SLC17A2: variants seen among roughly 807,000 people sequenced by gnomAD.
SLC17A2 encodes solute carrier family 17 member 2.
SLC17A2 carries 38 observed loss-of-function variants against 52.1 expected under a neutral mutation model. The observed-to-expected ratio is 0.73, with a 90% confidence interval of 0.56 to 0.96. The LOEUF (loss-of-function observed/expected upper bound fraction) is 0.96, where lower values mean the gene tolerates loss of function less well. Among genes scored for constraint, SLC17A2 ranks in the 40% least tolerant of loss-of-function variants. SLC17A2 has a pLI of 0.00. For synonymous variants in SLC17A2, 226 were observed against 211.9 expected, an observed-to-expected ratio of 1.07 and a Z score of -0.58; for missense variants, 508 against 583.9, an observed-to-expected ratio of 0.87 and a Z score of 1.34.
rs1327597653 is a variant in SLC17A2 at position 25,921,305 on chromosome 6, A to G, written c.348T>C (p.Phe116=). The G allele has an allele frequency of 1.2e-6, 2 of 1,614,024 alleles. No individual in the cohort carries two copies. The highest frequency in any genetic ancestry group is 1.7e-6 in the Non-Finnish European group (2 of 1,180,028). The part of the protein sequence containing the change: ...LIPSGYLAGI[F]GAKKMLGAGL... ...CAGCACCAAGCATTTTTTTTGCTCCAAATATCCCTGCTAAATATCCACTTG... is the reference window on the plus strand; with the variant it reads ...CAGCACCAAGCATTTTTTTTGCTCCGAATATCCCTGCTAAATATCCACTTG... The change falls in exon 4 of 12, where the codon TTT becomes TTC. Residue 116 remains phenylalanine (F), a synonymous_variant. Coordinates refer to ENST00000377850, the MANE Select transcript of SLC17A2 (RefSeq NM_001286123.3).
intron 6 of SLC17A2, 31 bp from the exon 7 acceptor site, chr6:25,917,118 G>T: frequency 1.3e-6 from 2 of 1,561,506 alleles, no homozygotes; most frequent in Non-Finnish European, 8.8e-7. Flanking sequence ...TAGTTTTTAG[G>T]TAGATTTGTT....
In SLC17A2 at chr6:25,915,479, A is replaced by G; in HGVS notation, c.1211+20T>C. The G allele has an allele frequency of 6.5e-7, 1 of 1,544,858 alleles. No individual in the cohort carries two copies. On this transcript the variant is annotated intron_variant, in intron 10 of 11. Coordinates refer to ENST00000377850, the MANE Select transcript of SLC17A2 (RefSeq NM_001286123.3). ...TCTGGAGGGGTCTGGAGGAGGGGAA[A>G]AAACAGGTAGAGCTCTTACCTGGGG...
intron 1 of SLC17A2, among the ~76,000 whole-genome samples, chr6:25,928,103 C>G (rs1282141137): frequency 6.6e-6 from 1 of 152,104 alleles, no homozygotes; most frequent in Non-Finnish European, 1.5e-5. Context: ...TCTGGCCCAA[C>G]TGTTTATTTT....
Position 25,915,850 on chromosome 6 carries a change from G to A in SLC17A2, c.949C>T (p.Leu317=). 1 of 1,614,024 alleles carries A rather than the reference G, an allele frequency of 6.2e-7. No homozygotes were observed. Among genetic ancestry groups the A allele is most frequent in the Non-Finnish European group, 8.5e-7 (1 of 1,179,966 alleles). The change falls in exon 9 of 12, where the codon CTG becomes TTG. Residue 317 remains leucine (L), a synonymous_variant. Transcript: ENST00000377850. ...CAGCTTGCAGCAGCAATAAAAGGCAGGGAGGACAGAACTCCACTCTGAAGG... is the reference window on the plus strand; with the variant it reads ...CAGCTTGCAGCAGCAATAAAAGGCAAGGAGGACAGAACTCCACTCTGAAGG... The part of the protein sequence containing the change: ...NIRDSGVLSS[L]PFIAAASCTI...
In SLC17A2 at chr6:25,915,854, G is replaced by C; in HGVS notation, c.945C>G (p.Ser315=). 2 of 1,613,858 alleles carry C rather than the reference G, an allele frequency of 1.2e-6. No homozygotes were observed. Among genetic ancestry groups the C allele is most frequent in the East Asian group, 2.2e-5 (1 of 44,876 alleles). Residue 315 remains serine (S), a synonymous_variant, in exon 9 of 12, where the codon TCC becomes TCG. Transcript: ENST00000377850. ...HVNIRDSGVL[S]SLPFIAAASC... is the part of the protein sequence containing the mutation. ...TTGCAGCAGCAATAAAAGGCAGGGA[G>C]GACAGAACTCCACTCTGAAGGAAGG...
chr6:25,917,109 A>G, intron 6 of SLC17A2, 22 bp from the exon 7 acceptor site: 2 of 1,585,256 alleles, frequency 1.3e-6, no homozygotes, highest in Non-Finnish European at 1.7e-6. Flanking sequence ...GGATAAAATT[A>G]GTTTTTAGGT....
chr6:25,928,511 G>C (rs1766841506), intron 1 of SLC17A2, among the ~76,000 whole-genome samples: 2 of 152,070 alleles, frequency 1.3e-5, no homozygotes, highest in Non-Finnish European at 2.9e-5. Flanking sequence ...AACGAGAAAG[G>C]ATGAAAAGCC....
At chr6:25,914,326 T>G (rs1283725070) in intron 11 of SLC17A2, among the ~76,000 whole-genome samples, 2 of 152,212 alleles carry the variant, frequency 1.3e-5, no homozygotes, top group East Asian at 1.9e-4. Flanking sequence ...TTCATGCTCA[T>G]GTACCTCTAG....
chr6:25,924,211 G>A (rs1022243631), intron 2 of SLC17A2, among the ~76,000 whole-genome samples: 1 of 152,158 alleles, frequency 6.6e-6, no homozygotes, highest in Admixed American at 6.5e-5. Context: ...CCAAAATGAA[G>A]TGAATGGGGA....
chr6:25,923,495 C>T (rs1425248107), intron 3 of SLC17A2, among the ~76,000 whole-genome samples, 200 bp downstream of exon 3: 1 of 152,132 alleles, frequency 6.6e-6, no homozygotes, highest in African/African-American at 2.4e-5. Flanking sequence ...TCTACAGTTC[C>T]CCCACCTTAT....
At position 25,921,073 on chromosome 6, in the gene SLC17A2, C is replaced by G; in HGVS notation, c.495G>C (p.Gln165His). 6.2e-7 allele frequency: 1 copy of G among 1,614,210 alleles called. No individual in the cohort carries two copies. The highest frequency in any genetic ancestry group is 1.1e-5 in the South Asian group (1 of 91,082). ...GAGCCCACTTTGCCCAAATAGTAAA[C>G]TGACCTGTCCATGCCATTCCCTGAA... is the stretch of plus-strand genomic sequence containing the variant. ...GMAQGMAWTG[Q>H]FTIWAKWAPP... The change falls in exon 5 of 12, where the codon CAG becomes CAC. Residue 165 changes from glutamine (Q) to histidine (H), a missense_variant. By Grantham distance (24) the Gln-to-His change is conservative. Transcript: ENST00000377850.
At chr6:25,915,678 C>T (rs1487238779) in intron 9 of SLC17A2, 32 bp from the exon 10 acceptor site, 5 of 1,613,160 alleles carry the variant, frequency 3.1e-6, no homozygotes, top group Non-Finnish European at 4.2e-6. Context: ...TCAGGGAACC[C>T]TCTGAGACCA....
In SLC17A2 at chr6:25,921,311, C is replaced by T. The variant is rs1235396440; in HGVS notation, c.342G>A (p.Gly114=). 3.7e-6 allele frequency: 6 copies of T among 1,614,008 alleles called. No homozygotes were observed. Among genetic ancestry groups the T allele is most frequent in the Non-Finnish European group, 5.1e-6 (6 of 1,180,028 alleles). ...CAAGCATTTTTTTTGCTCCAAATATCCCTGCTAAATATCCACTTGGGATCA... is the reference window on the plus strand; with the variant it reads ...CAAGCATTTTTTTTGCTCCAAATATTCCTGCTAAATATCCACTTGGGATCA... ...LTLIPSGYLA[G]IFGAKKMLGA... Residue 114 remains glycine (G), a synonymous_variant, in exon 4 of 12, where the codon GGG becomes GGA. Transcript: ENST00000377850.
intron 10 of SLC17A2, 66 bp from the exon 11 acceptor site, chr6:25,914,736 A>G: frequency 1.0e-6 from 1 of 980,040 alleles, no homozygotes; most frequent in South Asian, 1.4e-5. Flanking sequence ...GCAGCAACTC[A>G]ACTTTAATGC....
At chr6:25,928,502 A>C (rs2151561635) in intron 1 of SLC17A2, among the ~76,000 whole-genome samples, 1 of 152,284 alleles carries the variant, frequency 6.6e-6, no homozygotes, top group East Asian at 1.9e-4. Context: ...TTGCTGTCTA[A>C]CGAGAAAGGA....
intron 11 of SLC17A2, among the ~76,000 whole-genome samples, chr6:25,913,780 T>TTTTTTTTTG (rs1554137624): frequency 6.7e-6 from 1 of 149,488 alleles, no homozygotes. Flanking sequence ...TCTGTTTTTT[T>TTTTTTTTTG]TTGTTGTTGT....
At chr6:25,924,045 C>T (rs1312785968) in intron 2 of SLC17A2, 139 bp from the exon 3 acceptor site, 3 of 665,758 alleles carry the variant, frequency 4.5e-6, no homozygotes, top group Non-Finnish European at 7.7e-6. Flanking sequence ...ATAGCCAGCA[C>T]TACAAACCCA....
chr6:25,913,253 A>G lies in SLC17A2; in HGVS notation c.*64T>C. The stretch of plus-strand genomic sequence containing the variant: ...TGAGTCTATGGTCAGGAATATGGAG[A>G]GAAGTAAAAAATGTTTAAAAAGTTC... On this transcript the variant is annotated 3_prime_UTR_variant, in exon 12 of 12. Coordinates refer to ENST00000377850, the MANE Select transcript of SLC17A2 (RefSeq NM_001286123.3). 1 of 1,565,072 alleles carries G rather than the reference A, an allele frequency of 6.4e-7. No homozygotes were observed. The highest frequency in any genetic ancestry group is 8.8e-7 in the Non-Finnish European group (1 of 1,135,686).
chr6:25,915,929 G>A, intron 8 of SLC17A2, 61 bp from the exon 9 acceptor site: 1 of 1,536,902 alleles, frequency 6.5e-7, no homozygotes, highest in Non-Finnish European at 8.8e-7. Flanking sequence ...AAATTTGTCA[G>A]TTACACAGAC....
Sources: allele counts gnomAD v4.1 joint callset (sites outside exome capture counted in the v4.1 genomes callset), GRCh38; gene constraint gnomAD v4.1.1; transcripts MANE v1.5; gene names NCBI Gene and HGNC (gene_info 2026-07-23, HGNC 2026-07-21).